ARHGEF19: variants seen among roughly 807,000 people sequenced by gnomAD.
ARHGEF19 encodes the protein Rho guanine nucleotide exchange factor 19, also known as Rho guanine nucleotide exchange factor (GEF) 19.
In ARHGEF19, 92 loss-of-function variants were observed where a neutral mutation model predicts 87.6. The observed-to-expected ratio is 1.05, with a 90% CI of 0.89 to 1.25. The LOEUF (loss-of-function observed/expected upper bound fraction) is 1.25. Among genes scored for constraint, ARHGEF19 ranks in the 50% most tolerant of loss-of-function variants. ARHGEF19 has a pLI of 0.00. For synonymous variants in ARHGEF19, 438 were observed against 446.2 expected (o/e 0.98, Z 0.23); for missense variants, 1,054 against 1,051.8 (o/e 1.00, Z -0.03).
intron 12 of ARHGEF19, among the ~76,000 whole-genome samples, chr1:16,204,419 G>C (rs2081106583): frequency 6.6e-6 from 1 of 152,208 alleles, no homozygotes; most frequent in Non-Finnish European, 1.5e-5. Context: ...GCACAGAGTA[G>C]GTACTGAGTA....
At position 16,204,782 on chromosome 1, in the gene ARHGEF19, G is replaced by T; in HGVS notation, c.1884C>A (p.Cys628Ter). 1.9e-6 allele frequency: 3 copies of T among 1,608,278 alleles called. No individual in the cohort carries two copies. The highest frequency in any genetic ancestry group is 2.6e-6 in the Non-Finnish European group (3 of 1,175,674). ...KAVYLHLFNDCLLLSRRKELG... is the reference protein window; with the variant it reads ...KAVYLHLFND ...ACTCCTTCCGCCGAGAGAGCAGCAA[G>T]CAGTCATTGAAGAGGTGGAGGTAGA... The change falls in exon 12 of 16, where the codon TGC becomes TGA. Residue 628 changes from cysteine (C) to a stop codon, truncating the protein, a stop_gained. Transcript: ENST00000270747. LOFTEE classifies it high-confidence loss of function.
chr1:16,207,512 T>G lies in ARHGEF19; in HGVS notation c.874+10A>C. ...CGTTACCTCCTCCCAGGGACCCCCC[T>G]CCCACGTACAGTTAAGGAGGAATCG... On this transcript the variant is annotated intron_variant, in intron 5 of 15. Coordinates refer to ENST00000270747, the MANE Select transcript of ARHGEF19 (RefSeq NM_153213.5). The surrounding 1 kb of genome is among the most constrained non-coding windows in gnomAD (Gnocchi z 4.0). The G allele has an allele frequency of 6.2e-7, 1 of 1,613,330 alleles. No individual in the cohort carries two copies. The highest frequency in any genetic ancestry group is 8.5e-7 in the Non-Finnish European group (1 of 1,179,644).
intron 2 of ARHGEF19, 99 bp from the exon 3 acceptor site, chr1:16,208,324 A>G: frequency 7.1e-7 from 1 of 1,405,124 alleles, no homozygotes; most frequent in South Asian, 1.4e-5. Flanking sequence ...AGGTTCAGGC[A>G]CCATGCCCAA....
rs1375171009 is a variant in ARHGEF19, at chr1:16,198,645, A to G, written c.2351T>C (p.Leu784Pro). 1 of 1,613,576 alleles carries G rather than the reference A, an allele frequency of 6.2e-7. No homozygotes were observed. Among genetic ancestry groups the G allele is most frequent in the Admixed American group, 1.7e-5 (1 of 59,974 alleles). ...ACTTGTGACTCGCTTATTCTCCCGG[A>G]GGTTTCGGAGGCGGGCGCTGAGGCT... ...ISSLSARLRN[L>P]RENKRVTSAT... Residue 784 changes from leucine to proline, a missense_variant, in exon 16 of 16, where the codon CTC (leucine) becomes CCC (proline). Coordinates refer to ENST00000270747, the MANE Select transcript of ARHGEF19 (RefSeq NM_153213.5). This position sits in a 1 kb window ranked among gnomAD's most constrained non-coding sequence, Gnocchi z 4.1.
At position 16,207,261 on chromosome 1, in the gene ARHGEF19, C is replaced by T; in HGVS notation, c.875-51G>A. 1.4e-6 allele frequency: 2 copies of T among 1,464,972 alleles called. No homozygotes were observed. The highest frequency in any genetic ancestry group is 1.8e-6 in the Non-Finnish European group (2 of 1,114,068). The allele number at this position is 1,464,972 out of a possible 1,614,324, so 90.7% of individuals were successfully genotyped here. A position where few individuals can be genotyped will look rare whatever the true frequency, so the allele number is the denominator to read the frequency against. On this transcript the variant is annotated intron_variant, in intron 5 of 15. Coordinates refer to ENST00000270747, the MANE Select transcript of ARHGEF19 (RefSeq NM_153213.5). This position sits in a 1 kb window ranked among gnomAD's most constrained non-coding sequence, Gnocchi z 4.0. ...GCGTGGGGCGCCCGCCAGCCCCTGC[C>T]CGGCTTTTCCTCGGTTCCCTCAAGA...
At position 16,207,503 on chromosome 1, in the gene ARHGEF19, G is replaced by C; in HGVS notation, c.874+19C>G. ...CCCTTCCTCCGTTACCTCCTCCCAG[G>C]GACCCCCCTCCCACGTACAGTTAAG... On this transcript the variant is annotated intron_variant, in intron 5 of 15. Coordinates refer to ENST00000270747, the MANE Select transcript of ARHGEF19 (RefSeq NM_153213.5). This position sits in a 1 kb window ranked among gnomAD's most constrained non-coding sequence, Gnocchi z 4.0. The C allele has an allele frequency of 6.2e-7, 1 of 1,612,946 alleles. No homozygotes were observed. The highest frequency in any genetic ancestry group is 8.5e-7 in the Non-Finnish European group (1 of 1,179,284).
intron 12 of ARHGEF19, among the ~76,000 whole-genome samples, chr1:16,203,682 C>T (rs221046): frequency 0.24 from 36,997 of 152,008 alleles, 4,856 homozygotes; most frequent in South Asian, 0.39. Flanking sequence ...ACACACATTC[C>T]GCTCTTCTAC....
In ARHGEF19 at chr1:16,209,093, A is replaced by G; in HGVS notation, c.-29-10T>C. 1 of 1,428,882 alleles carries G rather than the reference A, an allele frequency of 7.0e-7. No homozygotes were observed. The highest frequency in any genetic ancestry group is 9.2e-7 in the Non-Finnish European group (1 of 1,092,224). 88.5% of individuals were successfully genotyped at this position (1,428,882 alleles called of 1,614,324 possible). ...TGCCACCCACCTGGCCCTGCAGAAG[A>G]GAAGATATCAGACCTAGACAGAGGA... On this transcript the variant is annotated splice_polypyrimidine_tract_variant and intron_variant, in intron 1 of 15. Transcript: ENST00000270747.
rs2081064939 is a variant in ARHGEF19 at position 16,199,205 on chromosome 1, A to T, written c.2196T>A (p.Asp732Glu). ...CVRTYKALHP[D>E]ELTLEKTDIL... Reference sequence around the variant, plus strand: ...TGTCAGTCTTCTCCAAGGTCAGCTCATCTGGGTGCAGTGCCTTGTATGTCC... The same window carrying T: ...TGTCAGTCTTCTCCAAGGTCAGCTCTTCTGGGTGCAGTGCCTTGTATGTCC... Residue 732 changes from aspartate (D) to glutamate (E), a missense_variant, in exon 15 of 16, where the codon GAT becomes GAA. Asp to Glu is a conservative substitution (Grantham distance 45, BLOSUM62 2). Transcript: ENST00000270747. 6.2e-7 allele frequency: 1 copy of T among 1,613,862 alleles called. No individual in the cohort carries two copies. The highest frequency in any genetic ancestry group is 8.5e-7 in the Non-Finnish European group (1 of 1,179,790).
chr1:16,204,856 G>A lies in ARHGEF19; in HGVS notation c.1810C>T (p.Pro604Ser). The A allele has an allele frequency of 1.9e-6, 3 of 1,603,938 alleles. No homozygotes were observed. The highest frequency in any genetic ancestry group is 1.1e-5 in the South Asian group (1 of 89,074). ...VRHGELVELAPLPAAPPAKLK... is the reference protein window; with the variant it reads ...VRHGELVELASLPAAPPAKLK... Reference sequence around the variant, plus strand: ...TTGGCAGGGGGTGCTGCAGGCAGTGGTGCCAGCTCTACCAACTCTCCATGC... The same window carrying A: ...TTGGCAGGGGGTGCTGCAGGCAGTGATGCCAGCTCTACCAACTCTCCATGC... Residue 604 changes from proline (P) to serine (S), a missense_variant, in exon 12 of 16, where the codon CCA becomes TCA. Coordinates refer to ENST00000270747, the MANE Select transcript of ARHGEF19 (RefSeq NM_153213.5).
intron 14 of ARHGEF19, among the ~76,000 whole-genome samples, chr1:16,200,145 C>T (rs2081072038): frequency 6.6e-6 from 1 of 152,346 alleles, no homozygotes; most frequent in South Asian, 2.1e-4. Context: ...TGGTCCTCAG[C>T]TCTTTTCATT....
chr1:16,206,118 C>A lies in ARHGEF19; in HGVS notation c.1299-35G>T, dbSNP rs2081131454. ...CAGAGCCAGGATGGAGACCCCAGATCTGGGAGCTGGCCAACCACTGGCTCC... is the reference window on the plus strand; with the variant it reads ...CAGAGCCAGGATGGAGACCCCAGATATGGGAGCTGGCCAACCACTGGCTCC... On this transcript the variant is annotated intron_variant, in intron 7 of 15. Transcript: ENST00000270747. The surrounding 1 kb of genome is among the most constrained non-coding windows in gnomAD (Gnocchi z 4.6). The A allele has an allele frequency of 1.3e-6, 2 of 1,574,182 alleles. No homozygotes were observed.
At position 16,205,384 on chromosome 1, in the gene ARHGEF19, G is replaced by C. The variant is rs1557539959; in HGVS notation, c.1623C>G (p.Asp541Glu). ...KRTAQGSEDE[D>E]MATKAFNALK... Reference sequence around the variant, plus strand: ...GCGCATTGAAGGCCTTGGTGGCCATGTCTTCGTCTTCAGAGCCCTGTGCTG... The same window carrying C: ...GCGCATTGAAGGCCTTGGTGGCCATCTCTTCGTCTTCAGAGCCCTGTGCTG... The change falls in exon 10 of 16, where the codon GAC (aspartate) becomes GAG (glutamate). Residue 541 changes from aspartate (D) to glutamate (E), a missense_variant. Asp to Glu is a conservative substitution (Grantham distance 45). Transcript: ENST00000270747. This position sits in a 1 kb window ranked among gnomAD's most constrained non-coding sequence, Gnocchi z 5.8. 2 of 1,613,568 alleles carry C rather than the reference G, an allele frequency of 1.2e-6. No individual in the cohort carries two copies. Among genetic ancestry groups the C allele is most frequent in the Non-Finnish European group, 8.5e-7 (1 of 1,179,624 alleles).
At position 16,207,518 on chromosome 1, in the gene ARHGEF19, G is replaced by A. The variant is rs752943066; in HGVS notation, c.874+4C>T. ...CTCCTCCCAGGGACCCCCCTCCCAC[G>A]TACAGTTAAGGAGGAATCGAGACTG... On this transcript the variant is annotated splice_donor_region_variant and intron_variant, in intron 5 of 15. Transcript: ENST00000270747. The surrounding 1 kb of genome is among the most constrained non-coding windows in gnomAD (Gnocchi z 4.0). The A allele has an allele frequency of 1.2e-6, 2 of 1,613,490 alleles. No homozygotes were observed. Among genetic ancestry groups the A allele is most frequent in the South Asian group, 2.2e-5 (2 of 91,052 alleles).
In ARHGEF19 at chr1:16,205,515, T is replaced by C; in HGVS notation, c.1581+23A>G. ...TGTATCTCCCTCGCCCAGCCCTCAC[T>C]GTGGCCTGTCCCCTCGAGGTACCTC... On this transcript the variant is annotated intron_variant, in intron 9 of 15. Coordinates refer to ENST00000270747, the MANE Select transcript of ARHGEF19 (RefSeq NM_153213.5). This position sits in a 1 kb window ranked among gnomAD's most constrained non-coding sequence, Gnocchi z 5.8. 1 of 1,613,808 alleles carries C rather than the reference T, an allele frequency of 6.2e-7. No individual in the cohort carries two copies. Among genetic ancestry groups the C allele is most frequent in the East Asian group, 2.2e-5 (1 of 44,864 alleles).
rs777992906 is a variant in ARHGEF19 at position 16,208,702 on chromosome 1, C to T, written c.353G>A (p.Ser118Asn). Residue 118 changes from serine (S) to asparagine (N), a missense_variant, in exon 2 of 16, where the codon AGT becomes AAT. Ser to Asn is a conservative substitution (Grantham distance 46). Transcript: ENST00000270747. ...GCGCTGTGGCTGTGTGTGTCGGGGA[C>T]TCCAGGGTCCCTCCAGAGCTGGGGG... is the stretch of plus-strand genomic sequence containing the variant. ...AQPPALEGPW[S>N]PRHTQPQRRA... The T allele has an allele frequency of 4.4e-6, 7 of 1,608,002 alleles. No individual in the cohort carries two copies. The highest frequency in any genetic ancestry group is 5.9e-6 in the Non-Finnish European group (7 of 1,178,214).
chr1:16,206,961 C>G lies in ARHGEF19; in HGVS notation c.1124G>C (p.Cys375Ser). Residue 375 changes from cysteine to serine, a missense_variant, in exon 6 of 16, where the codon TGC becomes TCC. Physicochemically the swap from Cys to Ser is moderately radical, Grantham distance 112 (BLOSUM62 -1). Coordinates refer to ENST00000270747, the MANE Select transcript of ARHGEF19 (RefSeq NM_153213.5). This position sits in a 1 kb window ranked among gnomAD's most constrained non-coding sequence, Gnocchi z 4.6. ...GCGCGCGCCCACCTCCTGCAGCTTG[C>G]AGTCCCGCAGGCTCAGCGTGGCCAG... ...GVLATLSLRD[C>S]KLQEAKFELI... 2.0e-6 allele frequency: 3 copies of G among 1,498,306 alleles called. No individual in the cohort carries two copies. The highest frequency in any genetic ancestry group is 2.7e-6 in the Non-Finnish European group (3 of 1,130,280). The allele number at this position is 1,498,306 out of a possible 1,614,324, so 92.8% of individuals were successfully genotyped here. A position where few individuals can be genotyped will look rare whatever the true frequency, so the allele number is the denominator to read the frequency against.
rs1368389282 is a variant in ARHGEF19 at position 16,205,453 on chromosome 1, C to T, written c.1582-28G>A. 1 of 1,612,252 alleles carries T rather than the reference C, an allele frequency of 6.2e-7. No homozygotes were observed. Among genetic ancestry groups the T allele is most frequent in the African/African-American group, 1.3e-5 (1 of 74,870 alleles). ...GGAAGGTGGGATCAGCACAATGAGG[C>T]AGTCCTCATACTCCCGAGACCCGGC... On this transcript the variant is annotated intron_variant, in intron 9 of 15. Transcript: ENST00000270747. This position sits in a 1 kb window ranked among gnomAD's most constrained non-coding sequence, Gnocchi z 5.8.
Position 16,207,175 on chromosome 1 carries a change from C to A in ARHGEF19, c.910G>T (p.Ala304Ser). 1 of 1,530,370 alleles carries A rather than the reference C, an allele frequency of 6.5e-7. No individual in the cohort carries two copies. Among genetic ancestry groups the A allele is most frequent in the Non-Finnish European group, 8.7e-7 (1 of 1,142,862 alleles). 94.8% of individuals were successfully genotyped at this position (1,530,370 alleles called of 1,614,324 possible). A position where few individuals can be genotyped will look rare whatever the true frequency, so the allele number is the denominator to read the frequency against. Reference protein sequence around the residue: ...LYQEYSDVASARELRRQQREE... With the variant: ...LYQEYSDVASSRELRRQQREE... ...CGCTGCTGCCGCCGCAGTTCGCGGG[C>A]GCTGGCCACGTCGCTGTATTCCTGA... is the stretch of plus-strand genomic sequence containing the variant. The change falls in exon 6 of 16, where the codon GCC (alanine) becomes TCC (serine). Residue 304 changes from alanine (A) to serine (S), a missense_variant. Ala to Ser is a moderately conservative substitution (Grantham distance 99). Coordinates refer to ENST00000270747, the MANE Select transcript of ARHGEF19 (RefSeq NM_153213.5). This position sits in a 1 kb window ranked among gnomAD's most constrained non-coding sequence, Gnocchi z 4.0.
Sources: gnomAD v4.1 joint callset for allele counts (sites outside exome capture counted in the v4.1 genomes callset) on GRCh38, gnomAD v4.1.1 for gene constraint, Gnocchi (gnomAD v3.1) non-coding constraint, MANE v1.5 for transcripts, NCBI Gene and HGNC (gene_info 2026-07-23, HGNC 2026-07-21) for gene names.